IRGM: variants seen among roughly 807,000 people sequenced by gnomAD.
IRGM encodes the protein immunity related GTPase M.
For synonymous variants in IRGM, 98 were observed against 80.6 expected (o/e 1.22, Z -1.16); for missense variants, 288 against 219.9 (o/e 1.31, Z -1.96).
chr5:150,865,260 G>GA (rs1380523567), intron 1 of IRGM, among the ~76,000 whole-genome samples: 4 of 152,060 alleles, frequency 2.6e-5, no homozygotes, highest in Non-Finnish European at 4.4e-5. Context: ...AAAGGAAAAG[G>GA]AAAAATAGAA....
chr5:150,883,196 T>G (rs1458961025), intron 3 of IRGM, among the ~76,000 whole-genome samples: 1 of 152,008 alleles, frequency 6.6e-6, no homozygotes, highest in Non-Finnish European at 1.5e-5. Context: ...TATCAAAATA[T>G]AAGAAATGCA....
chr5:150,862,927 A>G (rs866458229), intron 1 of IRGM, among the ~76,000 whole-genome samples: 30 of 152,302 alleles, frequency 2.0e-4, no homozygotes, highest in African/African-American at 7.2e-4. Context: ...ATTGGCAGGG[A>G]GGAGAAGAAG....
intron 3 of IRGM, among the ~76,000 whole-genome samples, chr5:150,899,393 A>C (rs1754914375): frequency 6.6e-6 from 1 of 152,036 alleles, no homozygotes; most frequent in Admixed American, 6.6e-5. Flanking sequence ...ATAGAGCAGA[A>C]ATGCCCTTTG....
intron 1 of IRGM, among the ~76,000 whole-genome samples, chr5:150,863,402 T>G (rs949968582): frequency 9.2e-5 from 14 of 152,204 alleles, no homozygotes; most frequent in African/African-American, 3.1e-4. Flanking sequence ...AAATGTTCTA[T>G]TCGAGGCTGA....
intron 1 of IRGM, among the ~76,000 whole-genome samples, chr5:150,870,917 C>A (rs184131510): frequency 5.1e-4 from 77 of 151,116 alleles, no homozygotes; most frequent in Admixed American, 4.3e-3. Context: ...CCGTCTTGAT[C>A]GAATCTGAAG....
chr5:150,849,083 C>T (rs1753933627), downstream of IRGM, among the ~76,000 whole-genome samples: 5 of 151,816 alleles, frequency 3.3e-5, no homozygotes, highest in African/African-American at 1.2e-4. Context: ...GAGGAGCCCT[C>T]TCCAGGTTCG....
At chr5:150,881,032 CAGG>C (rs1754436674) in intron 3 of IRGM, among the ~76,000 whole-genome samples, 1 of 151,768 alleles carries the variant, frequency 6.6e-6, no homozygotes, top group African/African-American at 2.4e-5. Flanking sequence ...GAGGCTGACG[CAGG>C]AGAATCGCTT....
At chr5:150,896,869 T>C in intron 3 of IRGM, 2 of 1,613,716 alleles carry the variant, frequency 1.2e-6, no homozygotes, top group Non-Finnish European at 1.7e-6. Context: ...ACTTTTAAAA[T>C]GGAGCACAAT....
At position 150,887,056 on chromosome 5, in the gene IRGM, C is replaced by T. The variant is rs1037165383; in HGVS notation, c.*140+7410C>T. The stretch of plus-strand genomic sequence containing the variant: ...GTGGGCATTTAGTGCTATGAATTCC[C>T]CTCTTAACACTGCACAAGAGTTCTG... On this transcript the variant is annotated intron_variant and NMD_transcript_variant, in intron 3 of 3. Coordinates refer to the IRGM transcript ENST00000520549. 2.6e-5 allele frequency among the ~76,000 whole-genome samples: 4 copies of T among 151,866 alleles called. No homozygotes were observed. In the East Asian group the frequency reaches 5.8e-4, roughly 22 times the overall value.
At chr5:150,901,836 A>C (rs918851598), downstream of IRGM, among the ~76,000 whole-genome samples, 1 of 152,134 alleles carries the variant, frequency 6.6e-6, no homozygotes, top group Non-Finnish European at 1.5e-5. Context: ...GTAAAGGAGA[A>C]TTCTATGTAC....
chr5:150,874,833 A>G (rs548453492), intron 1 of IRGM, among the ~76,000 whole-genome samples: 1 of 152,180 alleles, frequency 6.6e-6, no homozygotes, highest in Non-Finnish European at 1.5e-5. Flanking sequence ...TCTTTTTCAG[A>G]TAACTACTCT....
At chr5:150,888,868 T>C (rs1754563507) in intron 3 of IRGM, among the ~76,000 whole-genome samples, 1 of 152,060 alleles carries the variant, frequency 6.6e-6, no homozygotes. Flanking sequence ...TGGACGAATT[T>C]GGGGAGAATT....
chr5:150,882,377 T>C (rs1754458652), intron 3 of IRGM, among the ~76,000 whole-genome samples: 1 of 152,124 alleles, frequency 6.6e-6, no homozygotes, highest in African/African-American at 2.4e-5. Flanking sequence ...TACTTATCAA[T>C]AATTATCTTG....
At chr5:150,895,672 A>G (rs750554027) in intron 3 of IRGM, 1 of 1,613,422 alleles carries the variant, frequency 6.2e-7, no homozygotes, top group Non-Finnish European at 8.5e-7. Flanking sequence ...CATTCAGTAC[A>G]TATATAAGGT....
In IRGM at chr5:150,848,543, G is replaced by A; in HGVS notation, c.420G>A (p.Lys140=). The A allele has an allele frequency of 1.3e-6, 2 of 1,551,848 alleles. No homozygotes were observed. Among genetic ancestry groups the A allele is most frequent in the South Asian group, 1.2e-5 (1 of 84,066 alleles). Residue 140 remains lysine, a synonymous_variant, in exon 2 of 2, where the codon AAG becomes AAA. Transcript: ENST00000522154. The part of the protein sequence containing the change: ...LAKTAEDMGK[K]FYIVWTKLDM... ...AAACCGCTGAGGACATGGGAAAGAA[G>A]TTCTACATTGTCTGGACCAAGCTAG...
intron 1 of IRGM, among the ~76,000 whole-genome samples, chr5:150,854,841 C>G (rs557558268): frequency 6.6e-6 from 1 of 152,188 alleles, no homozygotes; most frequent in South Asian, 2.1e-4. Context: ...TTTCCTCAAA[C>G]TTGGGAAGCT....
At chr5:150,873,072 A>T (rs1382570985) in intron 1 of IRGM, among the ~76,000 whole-genome samples, 1 of 152,218 alleles carries the variant, frequency 6.6e-6, no homozygotes, top group Non-Finnish European at 1.5e-5. Context: ...AAGTGGCGGC[A>T]CTCAACCATC....
chr5:150,847,539 A>G (rs967953366), intron 1 of IRGM, 170 bp from the exon 2 acceptor site: 3 of 152,860 alleles, frequency 2.0e-5, no homozygotes, highest in African/African-American at 7.2e-5. Context: ...CAGGGACCCT[A>G]CCTTTCTTGC....
chr5:150,852,192 C>T (rs1753986897), downstream of IRGM, among the ~76,000 whole-genome samples: 4 of 152,116 alleles, frequency 2.6e-5, no homozygotes, highest in African/African-American at 7.2e-5. Flanking sequence ...TCCGTGGTAG[C>T]GTAATGACTA....
Sources: allele counts gnomAD v4.1 joint callset (sites outside exome capture counted in the v4.1 genomes callset), GRCh38; gene constraint gnomAD v4.1.1; transcripts MANE v1.5; gene names NCBI Gene and HGNC (gene_info 2026-07-23, HGNC 2026-07-21).